The following RFESD variants were observed in gnomAD, a reference collection of about 807,000 sequenced individuals.
RFESD encodes the protein Rieske domain-containing protein.
In RFESD, 16 loss-of-function variants were observed where a neutral mutation model predicts 24.4. The ratio of observed to expected loss-of-function variants is 0.66; its 90% CI spans 0.44 to 1.00. The LOEUF (loss-of-function observed/expected upper bound fraction) is 1.00. Among genes scored for constraint, RFESD ranks in the 50% least tolerant of loss-of-function variants. The pLI is 0.00. For missense variants in RFESD, 208 were observed against 247.0 expected (o/e 0.84, Z 1.06); for synonymous variants, 59 against 81.8 (o/e 0.72, Z 1.50).
In RFESD at chr5:95,652,204, G is replaced by C. The variant is rs773830209; in HGVS notation, c.-68G>C. On this transcript the variant is annotated 5_prime_UTR_variant, in exon 2 of 6. It removes the in-frame stop codon of an upstream open reading frame in the 5' UTR. Transcript: ENST00000380005. ...AGAAAGCTGTGAATGAATTTCATTT[G>C]ATTAGCAATAGATTGGACACTCTAC... 3.2e-5 allele frequency: 47 copies of C among 1,488,934 alleles called. No homozygotes were observed. The highest frequency in any genetic ancestry group is 4.1e-5 in the Non-Finnish European group (45 of 1,108,174). 92.2% of individuals were successfully genotyped at this position (1,488,934 alleles called of 1,614,324 possible). A position where few individuals can be genotyped will look rare whatever the true frequency, so the allele number is the denominator to read the frequency against.
intron 2 of RFESD, 71 bp downstream of exon 2, chr5:95,652,402 C>T (rs142083705): frequency 2.0e-6 from 3 of 1,517,664 alleles, no homozygotes; most frequent in East Asian, 2.5e-5. Context: ...ACTTTAGTCT[C>T]ATATATCTGG....
intron 3 of RFESD, among the ~76,000 whole-genome samples, chr5:95,653,568 TCTCTAA>T (rs930245713): frequency 2.0e-5 from 3 of 152,084 alleles, no homozygotes; most frequent in Non-Finnish European, 4.4e-5. Context: ...TCTTTAAGAG[TCTCTAA>T]CGCAAAGTAA....
Position 95,654,208 on chromosome 5 carries a change from A to G in RFESD, c.306A>G (p.Glu102=). The change falls in exon 4 of 6, where the codon GAA becomes GAG. Residue 102 remains glutamate (E), a synonymous_variant. Coordinates refer to ENST00000380005, the MANE Select transcript of RFESD (RefSeq NM_001131066.2). ...TGGTCATTTTCTACCACAAGGGAGA[A>G]TATCATGCTATGGATATTCGCTGTT... The part of the protein sequence containing the change: ...REVVIFYHKG[E]YHAMDIRCYH... 1 of 1,613,194 alleles carries G rather than the reference A, an allele frequency of 6.2e-7. No individual in the cohort carries two copies.
intron 1 of RFESD, chr5:95,647,116 T>A (rs1202273411): frequency 6.6e-6 from 1 of 152,154 alleles, no homozygotes; most frequent in Admixed American, 6.5e-5. Context: ...CCATGAAAGC[T>A]CTAAAGTATA....
Position 95,656,787 on chromosome 5 carries a change from C to G in RFESD, c.*478C>G, listed in dbSNP as rs1238277148. 1 of 152,622 alleles carries G rather than the reference C, an allele frequency of 6.6e-6. No homozygotes were observed. The highest frequency in any genetic ancestry group is 1.5e-5 in the Non-Finnish European group (1 of 68,434). 9.5% of individuals were successfully genotyped at this position (152,622 alleles called of 1,614,324 possible). On this transcript the variant is annotated 3_prime_UTR_variant, in exon 6 of 6. Transcript: ENST00000380005. ...TAACAGTTATCAGCATTCTTCCATT[C>G]TTGTTTTATTTATACCTCTGTGGAT...
intron 1 of RFESD, chr5:95,647,067 T>TA (rs1468072972): frequency 6.6e-6 from 1 of 152,234 alleles, no homozygotes; most frequent in South Asian, 2.1e-4. Context: ...CTAAGGGGGG[T>TA]ACGCGGGTCG....
intron 2 of RFESD, 42 bp from the exon 3 acceptor site, chr5:95,653,075 A>G: frequency 1.3e-6 from 2 of 1,549,332 alleles, no homozygotes; most frequent in Non-Finnish European, 1.7e-6. Context: ...ATTCACCAAG[A>G]CTTTTCTTTC....
At position 95,650,223 on chromosome 5, in the gene RFESD, C is replaced by T. The variant is rs1454621389; in HGVS notation, c.-135-1914C>T. Among the ~76,000 whole-genome samples, 3 of 151,858 alleles carry T rather than the reference C, an allele frequency of 2.0e-5. No homozygotes were observed. In the East Asian group the frequency reaches 5.8e-4, roughly 29 times the overall value. On this transcript the variant is annotated intron_variant, in intron 1 of 5. Coordinates refer to ENST00000380005, the MANE Select transcript of RFESD (RefSeq NM_001131066.2). ...CATATGTATTACTTTTCTATCCCCC[C>T]CTTTAAAAAAAAATTAGAGCAGAAT...
chr5:95,652,505 A>G lies in RFESD; in HGVS notation c.60+174A>G, dbSNP rs1750404290. 5 of 814,540 alleles carry G rather than the reference A, an allele frequency of 6.1e-6. No homozygotes were observed. In the East Asian group the frequency reaches 1.5e-4, roughly 24 times the overall value. 50.5% of individuals were successfully genotyped at this position (814,540 alleles called of 1,614,324 possible). On this transcript the variant is annotated intron_variant, in intron 2 of 5. Coordinates refer to ENST00000380005, the MANE Select transcript of RFESD (RefSeq NM_001131066.2). ...ATAGCTCTTGATTTTCCATTCTGCA[A>G]AAATACCATTCATTTCTTGGCCTTT...
In RFESD at chr5:95,656,432, C is replaced by T; in HGVS notation, c.*123C>T. The T allele has an allele frequency of 1.4e-6, 1 of 707,600 alleles. No individual in the cohort carries two copies. Among genetic ancestry groups the T allele is most frequent in the Non-Finnish European group, 2.3e-6 (1 of 431,122 alleles). 43.8% of individuals were successfully genotyped at this position (707,600 alleles called of 1,614,324 possible). A position where few individuals can be genotyped will look rare whatever the true frequency, so the allele number is the denominator to read the frequency against. The stretch of plus-strand genomic sequence containing the variant: ...GGCACAACTGTTTAAAATTCACATA[C>T]ATTTGAGAGGTTTAAGAGCACACAT... On this transcript the variant is annotated 3_prime_UTR_variant, in exon 6 of 6. Transcript: ENST00000380005.
In RFESD at chr5:95,657,077, A is replaced by G. The variant is rs1750805013; in HGVS notation, c.*768A>G. 6.6e-6 allele frequency: 1 copy of G among 152,198 alleles called. No individual in the cohort carries two copies. 9.4% of individuals were successfully genotyped at this position (152,198 alleles called of 1,614,324 possible). On this transcript the variant is annotated 3_prime_UTR_variant, in exon 6 of 6. Coordinates refer to ENST00000380005, the MANE Select transcript of RFESD (RefSeq NM_001131066.2). ...AGCCATGAGAGATGTAAAGTCTCCT[A>G]TTCAGTGAGCCAATGTTCTTTGAAT...
At chr5:95,647,469 C>T (rs1259518558) in intron 1 of RFESD, 1 of 152,136 alleles carries the variant, frequency 6.6e-6, no homozygotes, top group Non-Finnish European at 1.5e-5. Context: ...AGCAACTTGC[C>T]CCAAATCACG....
rs772534551 is a variant in RFESD, at chr5:95,654,195, A to C, written c.293A>C (p.Tyr98Ser). The C allele has an allele frequency of 5.0e-6, 8 of 1,613,000 alleles. No homozygotes were observed. Among genetic ancestry groups the C allele is most frequent in the South Asian group, 1.1e-5 (1 of 91,004 alleles). Residue 98 changes from tyrosine (Y) to serine (S), a missense_variant, in exon 4 of 6, where the codon TAC becomes TCC. Physicochemically the swap from Tyr to Ser is moderately radical, Grantham distance 144. Transcript: ENST00000380005. ...CATGATAGAGAAGTGGTCATTTTCTACCACAAGGGAGAATATCATGCTATG... is the reference window on the plus strand; with the variant it reads ...CATGATAGAGAAGTGGTCATTTTCTCCCACAAGGGAGAATATCATGCTATG... ...VVHDREVVIFYHKGEYHAMDI... is the reference protein window; with the variant it reads ...VVHDREVVIFSHKGEYHAMDI...
chr5:95,649,461 G>T (rs1168516099), intron 1 of RFESD, among the ~76,000 whole-genome samples: 1 of 152,148 alleles, frequency 6.6e-6, no homozygotes, highest in Admixed American at 6.5e-5. Flanking sequence ...CTATTCTTGT[G>T]TATGTTTCCT....
Position 95,656,283 on chromosome 5 carries a change from T to C in RFESD, c.607T>C (p.Phe203Leu). The stretch of plus-strand genomic sequence containing the variant: ...CTCTGATTTTTATGCCACTGGAGAC[T>C]TCAAAGTAATTAAGAGTTCTTCCTG... ...CDSDFYATGD[F>L]KVIKSSS The change falls in exon 6 of 6, where the codon TTC (phenylalanine) becomes CTC (leucine). Residue 203 changes from phenylalanine to leucine, a missense_variant. By Grantham distance (22) the Phe-to-Leu change is conservative. Transcript: ENST00000380005. 1 of 1,611,524 alleles carries C rather than the reference T, an allele frequency of 6.2e-7. No individual in the cohort carries two copies. Among genetic ancestry groups the C allele is most frequent in the Non-Finnish European group, 8.5e-7 (1 of 1,178,172 alleles).
chr5:95,653,015 T>A, intron 2 of RFESD, 102 bp from the exon 3 acceptor site: 1 of 1,487,790 alleles, frequency 6.7e-7, no homozygotes, highest in Non-Finnish European at 9.0e-7. Context: ...ACAACCTGGC[T>A]CCTGCCTGTT....
rs969083157 is a variant in RFESD, at chr5:95,652,350, A to G, written c.60+19A>G. 4.3e-5 allele frequency: 67 copies of G among 1,548,532 alleles called. No individual in the cohort carries two copies. Among genetic ancestry groups the G allele is most frequent in the Admixed American group, 1.2e-4 (6 of 50,902 alleles). ...TCTCCAAGTGAGTCCATAGAATTCT[A>G]TGACCTGGAAACTCCCCAGTTTTTC... On this transcript the variant is annotated intron_variant, in intron 2 of 5. Transcript: ENST00000380005.
chr5:95,650,498 A>G (rs945517775), intron 1 of RFESD, among the ~76,000 whole-genome samples: 2 of 152,212 alleles, frequency 1.3e-5, no homozygotes, highest in Non-Finnish European at 2.9e-5. Flanking sequence ...ATAGTGACCT[A>G]TAAATTCTCT....
At chr5:95,650,109 C>T (rs1750244249) in intron 1 of RFESD, among the ~76,000 whole-genome samples, 2 of 152,154 alleles carry the variant, frequency 1.3e-5, no homozygotes, top group Admixed American at 1.3e-4. Context: ...CCATAGCTAA[C>T]CCAGAAAATC....
Sources: allele counts gnomAD v4.1 joint callset (sites outside exome capture counted in the v4.1 genomes callset), GRCh38; gene constraint gnomAD v4.1.1; transcripts MANE v1.5; gene names NCBI Gene and HGNC (gene_info 2026-07-23, HGNC 2026-07-21).